Variants in WDR7 observed in about 807,000 individuals in gnomAD.
The protein encoded by WDR7 is WD repeat domain 7.
Under a neutral mutation model 169.4 loss-of-function variants are expected in WDR7, and 46 were observed. The observed-to-expected ratio is 0.27, with a 90% CI of 0.21 to 0.35. The LOEUF (loss-of-function observed/expected upper bound fraction) is 0.35, where lower values mean the gene tolerates loss of function less well. Ranked by LOEUF, WDR7 falls within the 10% of genes least tolerant of loss-of-function variation. The pLI, the probability that WDR7 is intolerant of heterozygous loss-of-function variation, is 1.00. For missense variants in WDR7, 1,534 were observed against 1,859.3 expected, an observed-to-expected ratio of 0.83 and a Z score of 3.22; for synonymous variants, 612 against 666.8, an observed-to-expected ratio of 0.92 and a Z score of 1.27.
intron 25 of WDR7, among the ~76,000 whole-genome samples, chr18:56,953,736 G>C (rs1433726885): frequency 6.6e-6 from 1 of 152,238 alleles, no homozygotes; most frequent in African/African-American, 2.4e-5. Context: ...GTTTTGCATA[G>C]AGGAAAGGAG....
intron 20 of WDR7, among the ~76,000 whole-genome samples, chr18:56,843,857 C>CTTTTTTTTTTTTTTTT (rs776575088): frequency 7.4e-6 from 1 of 134,330 alleles, no homozygotes; most frequent in Non-Finnish European, 1.6e-5. Flanking sequence ...TTTTTTCTTT[C>CTTTTTTTTTTTTTTTT]TTTTTTTTTT....
rs776855459 is a variant in WDR7 at position 56,939,297 on chromosome 18, C to G, written c.3982-14C>G. On this transcript the variant is annotated splice_polypyrimidine_tract_variant and intron_variant, in intron 24 of 27. Coordinates refer to ENST00000254442, the MANE Select transcript of WDR7 (RefSeq NM_015285.3). ...ATTTGAAATTAATTTTAAATCTGTT[C>G]TTTTCTGTCAAAGGTTATGGACATC... The G allele has an allele frequency of 2.9e-5, 44 of 1,495,468 alleles. No homozygotes were observed. In the Admixed American group the frequency reaches 9.7e-4, roughly 33 times the overall value. The allele number at this position is 1,495,468 out of a possible 1,614,324, so 92.6% of individuals were successfully genotyped here.
chr18:56,840,551 T>C (rs1385236773), intron 20 of WDR7, among the ~76,000 whole-genome samples: 1 of 152,184 alleles, frequency 6.6e-6, no homozygotes, highest in African/African-American at 2.4e-5. Flanking sequence ...CTGGACACAG[T>C]GGCTCACTCC....
At chr18:56,891,000 G>T (rs1190251964) in intron 21 of WDR7, 2 of 152,136 alleles carry the variant, frequency 1.3e-5, no homozygotes, top group Non-Finnish European at 2.9e-5. Context: ...CCAGGGGTGG[G>T]ATTCAGGCAT....
At chr18:56,753,117 G>A (rs906823547) in intron 14 of WDR7, 1 of 152,140 alleles carries the variant, frequency 6.6e-6, no homozygotes, top group Non-Finnish European at 1.5e-5. Flanking sequence ...AAGAAACGTG[G>A]TCAGATGGGA....
intron 14 of WDR7, among the ~76,000 whole-genome samples, chr18:56,735,970 G>C (rs1234568349): frequency 6.6e-6 from 1 of 152,166 alleles, no homozygotes; most frequent in African/African-American, 2.4e-5. Flanking sequence ...CAGTTCTCTG[G>C]TGGAATGGCT....
chr18:56,688,584 C>G (rs1461035988), intron 7 of WDR7, among the ~76,000 whole-genome samples: 1 of 148,510 alleles, frequency 6.7e-6, no homozygotes, highest in Non-Finnish European at 1.5e-5. Context: ...AAAAAATCAG[C>G]AGTGCATGGT....
intron 9 of WDR7, among the ~76,000 whole-genome samples, chr18:56,693,573 G>GTTTTTTTTTTTTTTT (rs1254201598): frequency 1.8e-5 from 1 of 54,482 alleles, no homozygotes; most frequent in Non-Finnish European, 3.4e-5. Context: ...TTTTTTTTTT[G>GTTTTTTTTTTTTTTT]TTTTTTTTTT....
intron 14 of WDR7, among the ~76,000 whole-genome samples, chr18:56,751,988 G>A (rs1265599548): frequency 6.6e-6 from 1 of 152,098 alleles, no homozygotes; most frequent in East Asian, 1.9e-4. Context: ...GCTCCCTTTA[G>A]CCAACATTGC....
chr18:56,911,063 C>T (rs2046545395), intron 21 of WDR7, among the ~76,000 whole-genome samples: 1 of 152,154 alleles, frequency 6.6e-6, no homozygotes, highest in South Asian at 2.1e-4. Flanking sequence ...TGTAAATACA[C>T]CAGCACCCCT....
chr18:56,906,804 A>G (rs4452034), intron 21 of WDR7, among the ~76,000 whole-genome samples: 296 of 152,222 alleles, frequency 1.9e-3, no homozygotes, highest in African/African-American at 6.8e-3. Flanking sequence ...GGCCTCCCAA[A>G]GTGCTGGGAT....
At chr18:56,944,792 TTAA>T (rs1179320581) in intron 25 of WDR7, among the ~76,000 whole-genome samples, 1 of 152,180 alleles carries the variant, frequency 6.6e-6, no homozygotes. Flanking sequence ...CAATGCATAA[TTAA>T]TAATATATTT....
At chr18:56,670,656 AC>A (rs2025113557) in intron 1 of WDR7, among the ~76,000 whole-genome samples, 1 of 151,956 alleles carries the variant, frequency 6.6e-6, no homozygotes, top group Admixed American at 6.6e-5. Flanking sequence ...GACTACAGGC[AC>A]CCACCACCTC....
At chr18:56,744,245 GAAAAAAAAAAAA>G (rs58110613) in intron 14 of WDR7, among the ~76,000 whole-genome samples, 4,670 of 86,956 alleles carry the variant, frequency 0.054, 273 homozygotes, top group African/African-American at 0.18. Context: ...TCTCAAAAAA[GAAAAAAAAAAAA>G]AAAAAAAAAA....
intron 21 of WDR7, among the ~76,000 whole-genome samples, chr18:56,911,068 A>C (rs560038383): frequency 2.2e-4 from 33 of 152,228 alleles, no homozygotes; most frequent in Non-Finnish European, 5.9e-5. Flanking sequence ...ATACACCAGC[A>C]CCCCTTTCAT....
At chr18:57,011,319 G>A (rs539664792) in intron 26 of WDR7, among the ~76,000 whole-genome samples, 8 of 150,024 alleles carry the variant, frequency 5.3e-5, no homozygotes, top group South Asian at 2.1e-4. Flanking sequence ...TGACATATAC[G>A]TAACTTTTAG....
intron 26 of WDR7, among the ~76,000 whole-genome samples, chr18:57,013,857 A>G (rs2048171627): frequency 6.6e-6 from 1 of 152,250 alleles, no homozygotes; most frequent in South Asian, 2.1e-4. Context: ...TCTGCATGCC[A>G]ACAACTGTAC....
rs2046989738 is a variant in WDR7 at position 56,938,518 on chromosome 18, A to G, written c.3832-15A>G. 3 of 1,613,066 alleles carry G rather than the reference A, an allele frequency of 1.9e-6. No homozygotes were observed. The highest frequency in any genetic ancestry group is 2.5e-6 in the Non-Finnish European group (3 of 1,179,664). On this transcript the variant is annotated splice_polypyrimidine_tract_variant and intron_variant, in intron 23 of 27. Coordinates refer to ENST00000254442, the MANE Select transcript of WDR7 (RefSeq NM_015285.3). ...TCAGTGTCAATCATATCTACAGCAT[A>G]GAAATGTTTTGTAGGTACACAGACA...
At position 56,672,519 on chromosome 18, in the gene WDR7, G is replaced by T; in HGVS notation, c.4G>T (p.Ala2Ser). M[A>S]GNSLVLPIVL... Reference sequence around the variant, plus strand: ...CAGGTTTGAAAACACAAACACAATGGCAGGAAACAGCCTTGTTCTACCCAT... The same window carrying T: ...CAGGTTTGAAAACACAAACACAATGTCAGGAAACAGCCTTGTTCTACCCAT... Residue 2 changes from alanine (A) to serine (S), a missense_variant, in exon 2 of 28, where the codon GCA (alanine) becomes TCA (serine). Physicochemically the swap from Ala to Ser is moderately conservative, Grantham distance 99. Coordinates refer to ENST00000254442, the MANE Select transcript of WDR7 (RefSeq NM_015285.3). 1 of 1,551,522 alleles carries T rather than the reference G, an allele frequency of 6.4e-7. No homozygotes were observed. Among genetic ancestry groups the T allele is most frequent in the South Asian group, 1.3e-5 (1 of 77,538 alleles).
Sources: allele counts gnomAD v4.1 joint callset (sites outside exome capture counted in the v4.1 genomes callset), GRCh38; gene constraint gnomAD v4.1.1; transcripts MANE v1.5; gene names NCBI Gene and HGNC (gene_info 2026-07-23, HGNC 2026-07-21).